Variants in KLF8 observed in about 807,000 individuals in gnomAD.
KLF8 encodes KLF transcription factor 8, also known as Krueppel-like factor 8.
KLF8 carries 10 observed loss-of-function variants against 18.2 expected under a neutral mutation model. That is an observed-to-expected ratio of 0.55 (90% CI 0.34 to 0.93). The LOEUF (loss-of-function observed/expected upper bound fraction) is 0.93, where lower values mean the gene tolerates loss of function less well. KLF8 is among the 40% of genes least tolerant of loss of function. The probability of loss-of-function intolerance (pLI) is 0.02; values close to 1 mark genes in which losing one functional copy is unlikely to be tolerated. For missense variants in KLF8, 264 were observed against 277.9 expected, an observed-to-expected ratio of 0.95 and a Z score of 0.36; for synonymous variants, 109 against 97.3, an observed-to-expected ratio of 1.12 and a Z score of -0.71.
the KLF8 span, among the ~76,000 whole-genome samples, chrX:56,200,115 G>A: frequency 3.6e-5 from 4 of 110,817 alleles, no homozygotes; most frequent in Admixed American, 9.7e-5. Context: ...ATAGCATTAG[G>A]AGAAATACCT....
intron 2 of KLF8, among the ~76,000 whole-genome samples, chrX:56,263,699 A>G (rs780036351): frequency 8.9e-6 from 1 of 112,374 alleles, no homozygotes; most frequent in South Asian, 3.7e-4. Flanking sequence ...CATAATTATC[A>G]CACCTTAAAA....
At chrX:56,049,781 TA>T in the KLF8 span, among the ~76,000 whole-genome samples, 2 of 110,772 alleles carry the variant, frequency 1.8e-5, no homozygotes, top group Non-Finnish European at 3.8e-5. Context: ...GCTGGCCTCA[TA>T]AAATGAGTTA....
chrX:56,200,473 A>G, the KLF8 span, among the ~76,000 whole-genome samples: 1 of 111,095 alleles, frequency 9.0e-6, no homozygotes, highest in African/African-American at 3.3e-5. Context: ...GATGACATAC[A>G]AAAATTAACT....
the KLF8 span, among the ~76,000 whole-genome samples, chrX:55,946,084 C>T: frequency 9.0e-6 from 1 of 111,463 alleles, no homozygotes; most frequent in Non-Finnish European, 1.9e-5. Context: ...AGATTCAATG[C>T]CACCCCCATC....
At chrX:55,963,319 GTC>G in the KLF8 span, among the ~76,000 whole-genome samples, 1 of 111,941 alleles carries the variant, frequency 8.9e-6, no homozygotes, top group African/African-American at 3.2e-5. Context: ...TTGAGATGTT[GTC>G]TCTGCCCAGT....
the KLF8 span, among the ~76,000 whole-genome samples, chrX:56,092,242 C>T: frequency 9.0e-6 from 1 of 111,469 alleles, no homozygotes; most frequent in Non-Finnish European, 1.9e-5. Context: ...AAATAACTTG[C>T]AAATACTTTC....
chrX:55,963,943 C>G, the KLF8 span, among the ~76,000 whole-genome samples: 1 of 111,315 alleles, frequency 9.0e-6, no homozygotes, highest in Non-Finnish European at 1.9e-5. Context: ...CATAATGCAA[C>G]AAAAATAGAA....
chrX:56,129,200 C>G, the KLF8 span, among the ~76,000 whole-genome samples: 1 of 112,257 alleles, frequency 8.9e-6, no homozygotes, highest in Non-Finnish European at 1.9e-5. Context: ...CTTGGACAGA[C>G]AGAACAGGGT....
the KLF8 span, among the ~76,000 whole-genome samples, chrX:55,948,110 TA>T: frequency 1.8e-5 from 2 of 112,387 alleles, no homozygotes; most frequent in Non-Finnish European, 3.8e-5. Flanking sequence ...CAAACAGGTT[TA>T]TTTTTTAACT....
the KLF8 span, among the ~76,000 whole-genome samples, chrX:56,211,110 G>T: frequency 2.4e-4 from 27 of 110,889 alleles, no homozygotes; most frequent in South Asian, 0.01. Context: ...CATTGTCTGT[G>T]CATTGAAGAG....
chrX:56,052,861 C>G, the KLF8 span, among the ~76,000 whole-genome samples: 1 of 111,691 alleles, frequency 9.0e-6, no homozygotes, highest in Non-Finnish European at 1.9e-5. Context: ...GCACCCCTCC[C>G]CCAGCCTCCT....
the KLF8 span, among the ~76,000 whole-genome samples, chrX:56,146,220 C>T: frequency 9.0e-6 from 1 of 111,625 alleles, no homozygotes; most frequent in Non-Finnish European, 1.9e-5. Context: ...GGGTATATAC[C>T]CAAAGGATTA....
the KLF8 span, among the ~76,000 whole-genome samples, chrX:56,046,349 G>C: frequency 9.0e-6 from 1 of 111,143 alleles, no homozygotes; most frequent in African/African-American, 3.3e-5. Context: ...ATTAGGATTA[G>C]GGTGATACTA....
At chrX:56,141,077 C>T in the KLF8 span, among the ~76,000 whole-genome samples, 1 of 111,709 alleles carries the variant, frequency 9.0e-6, no homozygotes, top group Non-Finnish European at 1.9e-5. Flanking sequence ...AATCCTCACG[C>T]CTCAGCCTCC....
At chrX:56,059,571 T>C in the KLF8 span, among the ~76,000 whole-genome samples, 1 of 112,231 alleles carries the variant, frequency 8.9e-6, no homozygotes, top group Non-Finnish European at 1.9e-5. Flanking sequence ...TTTCTGCATA[T>C]GGTTAGCCAG....
chrX:55,989,209 G>A, the KLF8 span, among the ~76,000 whole-genome samples: 4 of 111,685 alleles, frequency 3.6e-5, no homozygotes, highest in Admixed American at 1.9e-4. Flanking sequence ...TCTCCTGCCT[G>A]ATTGCCCTGG....
intron 5 of KLF8, among the ~76,000 whole-genome samples, chrX:56,272,305 G>C (rs183614354): frequency 9.0e-6 from 1 of 110,653 alleles, no homozygotes; most frequent in African/African-American, 3.3e-5. Context: ...CTGCCTCCTG[G>C]GTTCAAGCGA....
At chrX:56,103,271 G>T in the KLF8 span, among the ~76,000 whole-genome samples, 12 of 110,560 alleles carry the variant, frequency 1.1e-4, no homozygotes, top group East Asian at 2.0e-3. Context: ...GCTTGATGGG[G>T]ATAGCATTGA....
chrX:56,034,130 G>A, the KLF8 span, among the ~76,000 whole-genome samples: 3 of 111,845 alleles, frequency 2.7e-5, no homozygotes, highest in African/African-American at 6.5e-5. Context: ...TTTTCTTTTA[G>A]TATTTTTACA....
Sources: allele counts gnomAD v4.1 joint callset (sites outside exome capture counted in the v4.1 genomes callset), GRCh38; gene constraint gnomAD v4.1.1; transcripts MANE v1.5; gene names NCBI Gene and HGNC (gene_info 2026-07-23, HGNC 2026-07-21).